Variants in PARVB observed in about 807,000 individuals in gnomAD.
PARVB encodes parvin beta, also known as beta-parvin.
PARVB carries 46 observed loss-of-function variants against 47.0 expected under a neutral mutation model. That is an observed-to-expected ratio of 0.98 (90% CI 0.77 to 1.25). PARVB has a LOEUF of 1.25. Ranked by LOEUF, PARVB falls within the 50% of genes most tolerant of loss-of-function variation. PARVB has a pLI of 0.00. For missense variants in PARVB, 473 were observed against 471.6 expected (o/e 1.00, Z -0.03); for synonymous variants, 196 against 196.3 (o/e 1.00, Z 0.01).
At chr22:44,081,873 T>C (rs2051909180) in intron 1 of PARVB, among the ~76,000 whole-genome samples, 2 of 152,170 alleles carry the variant, frequency 1.3e-5, no homozygotes, top group South Asian at 2.1e-4. Flanking sequence ...CTTCTTATTA[T>C]TAGCTAATGA....
intron 12 of PARVB, among the ~76,000 whole-genome samples, chr22:44,166,456 A>G (rs1442574017): frequency 1.3e-5 from 2 of 152,202 alleles, no homozygotes; most frequent in Admixed American, 1.3e-4. Context: ...TCCAGAGGCC[A>G]GGATATCCTC....
chr22:44,043,052 G>C (rs1041425871), intron 1 of PARVB, among the ~76,000 whole-genome samples: 1 of 152,134 alleles, frequency 6.6e-6, no homozygotes, highest in Non-Finnish European at 1.5e-5. Context: ...CCATCCATAC[G>C]ATAGAATACT....
rs769442547 is a variant in PARVB at position 44,161,308 on chromosome 22, CTTTTTTTT to C, written c.946-2541_946-2534del. Among the ~76,000 whole-genome samples the C allele has an allele frequency of 2.0e-3, 259 of 128,686 alleles. 1 individual carries two copies. Among genetic ancestry groups the C allele is most frequent in the African/African-American group, 7.2e-3 (245 of 33,974 alleles). The allele number at this position is 128,686 out of a possible 152,430, so 84.4% of individuals were successfully genotyped here. Reference sequence around the variant, plus strand: ...GAGCCCCGTGCCTTGTTTTTCTTTTCTTTTTTTTTTTTTTTTGGAGGCGGGGAAGGAAT... The same window carrying C: ...GAGCCCCGTGCCTTGTTTTTCTTTTCTTTTTTTTGGAGGCGGGGAAGGAAT... On this transcript the variant is annotated intron_variant, in intron 11 of 12. Transcript: ENST00000338758.
At chr22:44,162,613 G>C (rs4426616) in intron 11 of PARVB, 16,308 of 152,352 alleles carry the variant, frequency 0.11, 973 homozygotes, top group East Asian at 0.21. Flanking sequence ...GAGCTACCAC[G>C]CCCAGCCAGG....
chr22:44,063,231 C>CTTTTCT (rs561320984), intron 1 of PARVB, among the ~76,000 whole-genome samples: 2 of 144,000 alleles, frequency 1.4e-5, no homozygotes, highest in African/African-American at 2.6e-5. Flanking sequence ...CTTTTCTTTT[C>CTTTTCT]TTTTTTTTTT....
intron 1 of PARVB, chr22:44,026,346 C>G: frequency 1.0e-6 from 1 of 985,562 alleles, no homozygotes; most frequent in Non-Finnish European, 1.2e-6. Flanking sequence ...GAGCAGGACG[C>G]CGGGCACTGC....
chr22:44,088,075 C>A (rs559704015), intron 1 of PARVB, among the ~76,000 whole-genome samples: 2 of 152,066 alleles, frequency 1.3e-5, no homozygotes, highest in African/African-American at 2.4e-5. Context: ...CACACAGAGC[C>A]GTCAAGCAGC....
chr22:44,167,323 T>G (rs980041049), intron 12 of PARVB, among the ~76,000 whole-genome samples: 4 of 152,140 alleles, frequency 2.6e-5, no homozygotes, highest in Non-Finnish European at 5.9e-5. Context: ...GTGATTCCTA[T>G]CCCTGGGCGC....
At chr22:44,007,017 C>T (rs559843513) in intron 2 of PARVB, among the ~76,000 whole-genome samples, 15 of 152,322 alleles carry the variant, frequency 9.8e-5, no homozygotes, top group Middle Eastern at 3.4e-3. Flanking sequence ...TTCTGCTGCG[C>T]GGATGCAAAA....
chr22:44,061,199 C>G (rs1431115903), intron 1 of PARVB, among the ~76,000 whole-genome samples: 1 of 152,122 alleles, frequency 6.6e-6, no homozygotes, highest in Admixed American at 6.5e-5. Context: ...GAGGCCGAGG[C>G]AGGCAGATCA....
upstream of PARVB, among the ~76,000 whole-genome samples, chr22:44,021,837 G>T (rs2050654088): frequency 6.8e-6 from 1 of 146,502 alleles, no homozygotes; most frequent in Admixed American, 6.9e-5. Flanking sequence ...AGAGACGGAG[G>T]CAGAGACGGG....
intron 1 of PARVB, among the ~76,000 whole-genome samples, chr22:44,043,071 A>G (rs959170666): frequency 1.3e-5 from 2 of 152,230 alleles, no homozygotes; most frequent in African/African-American, 2.4e-5. Flanking sequence ...CTATTCAGCA[A>G]CGAAAAGGAA....
intron 1 of PARVB, chr22:44,026,361 G>T (rs570007593): frequency 1.7e-4 from 169 of 985,420 alleles, no homozygotes; most frequent in Non-Finnish European, 2.0e-4. Context: ...CACTGCTGAT[G>T]CTGCTTTCGC....
chr22:44,053,802 G>C (rs1382683220), intron 1 of PARVB, among the ~76,000 whole-genome samples: 1 of 152,154 alleles, frequency 6.6e-6, no homozygotes, highest in Non-Finnish European at 1.5e-5. Flanking sequence ...ATATTTCCTG[G>C]TTTATTATAA....
At chr22:44,079,019 G>A (rs1396683334) in intron 1 of PARVB, among the ~76,000 whole-genome samples, 2 of 152,178 alleles carry the variant, frequency 1.3e-5, no homozygotes, top group African/African-American at 4.8e-5. Context: ...GAGCCACCGC[G>A]CCCGGCCCCT....
intron 12 of PARVB, among the ~76,000 whole-genome samples, chr22:44,167,798 A>G (rs77288331): frequency 0.024 from 3,655 of 151,954 alleles, 59 homozygotes; most frequent in East Asian, 0.077. Context: ...CTGACAGCAC[A>G]CTCGTGGGCA....
intron 1 of PARVB, among the ~76,000 whole-genome samples, chr22:44,024,744 G>T (rs929616936): frequency 6.6e-6 from 1 of 152,138 alleles, no homozygotes; most frequent in African/African-American, 2.4e-5. Flanking sequence ...CTGCCTGCCG[G>T]GTGTTCAGCT....
intron 10 of PARVB, 38 bp downstream of exon 10, chr22:44,151,589 C>A (rs374672172): frequency 2.7e-6 from 4 of 1,502,474 alleles, no homozygotes; most frequent in African/African-American, 1.4e-5. Context: ...CTTTGTCCAC[C>A]GCCATTTTCA....
rs146844123 is a variant in PARVB at position 44,026,178 on chromosome 22, C to T, written c.112+1727C>T. On this transcript the variant is annotated intron_variant, in intron 1 of 12. Transcript: ENST00000338758. ...ACACACCCAAAGTAATGGACTGGGCCCAAATTCCAAAGTACGCAGTGCTTC... is the reference window on the plus strand; with the variant it reads ...ACACACCCAAAGTAATGGACTGGGCTCAAATTCCAAAGTACGCAGTGCTTC... 1.9e-5 allele frequency: 6 copies of T among 313,564 alleles called. No homozygotes were observed. In the East Asian group the frequency reaches 6.9e-4, roughly 36 times the overall value. The allele number at this position is 313,564 out of a possible 1,614,324, so 19.4% of individuals were successfully genotyped here. A position where few individuals can be genotyped will look rare whatever the true frequency, so the allele number is the denominator to read the frequency against.
Sources: gnomAD v4.1 joint callset for allele counts (sites outside exome capture counted in the v4.1 genomes callset) on GRCh38, gnomAD v4.1.1 for gene constraint, MANE v1.5 for transcripts, NCBI Gene and HGNC (gene_info 2026-07-23, HGNC 2026-07-21) for gene names.